Variants in LRRC8B observed in about 807,000 individuals in gnomAD.
LRRC8B encodes leucine rich repeat containing 8 VRAC subunit B.
A neutral mutation model predicts 58.8 loss-of-function variants in LRRC8B; 23 were observed. That is an observed-to-expected ratio of 0.39 (90% CI 0.28 to 0.55). The LOEUF (loss-of-function observed/expected upper bound fraction) is 0.55, where lower values mean the gene tolerates loss of function less well. Ranked by LOEUF, LRRC8B falls within the 20% of genes least tolerant of loss-of-function variation. The probability of loss-of-function intolerance (pLI) is 0.62; values close to 1 mark genes in which losing one functional copy is unlikely to be tolerated. For missense variants in LRRC8B, 694 were observed against 936.0 expected (o/e 0.74, Z 3.37); for synonymous variants, 359 against 374.1 (o/e 0.96, Z 0.47).
chr1:89,554,288 T>C (rs1652021454), intron 1 of LRRC8B, among the ~76,000 whole-genome samples: 1 of 152,188 alleles, frequency 6.6e-6, no homozygotes, highest in East Asian at 1.9e-4. Flanking sequence ...TGTGCCCTGT[T>C]ATTAACCAAC....
At position 89,594,184 on chromosome 1, in the gene LRRC8B, T is replaced by G. The variant is rs1048752989; in HGVS notation, c.*1141T>G. ...TCATTTTTGTAAGATACATAGAATT[T>G]GTGCATTTCTTTATGAACTTACTGT... On this transcript the variant is annotated 3_prime_UTR_variant, in exon 6 of 6. Coordinates refer to ENST00000330947, the MANE Select transcript of LRRC8B (RefSeq NM_001369817.2). 2.0e-5 allele frequency: 3 copies of G among 152,222 alleles called. No homozygotes were observed. Among genetic ancestry groups the G allele is most frequent in the African/African-American group, 7.2e-5 (3 of 41,466 alleles). 9.4% of individuals were successfully genotyped at this position (152,222 alleles called of 1,614,324 possible). A position where few individuals can be genotyped will look rare whatever the true frequency, so the allele number is the denominator to read the frequency against.
At chr1:89,567,346 T>C (rs937962491) in intron 1 of LRRC8B, among the ~76,000 whole-genome samples, 6 of 152,242 alleles carry the variant, frequency 3.9e-5, no homozygotes, top group Admixed American at 3.9e-4. Context: ...CTATATTTTG[T>C]TATTTACTTT....
intron 1 of LRRC8B, among the ~76,000 whole-genome samples, chr1:89,547,073 A>T (rs973059106): frequency 5.9e-5 from 9 of 152,192 alleles, no homozygotes; most frequent in African/African-American, 2.2e-4. Context: ...GTTGTTATCT[A>T]TGCTCTTAAG....
intron 1 of LRRC8B, among the ~76,000 whole-genome samples, chr1:89,553,600 A>G (rs1194829526): frequency 6.6e-6 from 1 of 152,194 alleles, no homozygotes; most frequent in Non-Finnish European, 1.5e-5. Flanking sequence ...AAAAGTACAA[A>G]TCAAATTTAT....
chr1:89,528,011 T>TG (rs1454205666), intron 1 of LRRC8B, among the ~76,000 whole-genome samples: 12 of 152,216 alleles, frequency 7.9e-5, no homozygotes, highest in African/African-American at 2.9e-4. Flanking sequence ...CTTTCCTTTT[T>TG]GCCTTTCTGA....
At chr1:89,570,071 A>G (rs1214724010) in intron 3 of LRRC8B, among the ~76,000 whole-genome samples, 19 of 152,114 alleles carry the variant, frequency 1.2e-4, no homozygotes, top group African/African-American at 2.9e-4. Flanking sequence ...TTATGGCTGC[A>G]TGGTATTCCA....
In LRRC8B at chr1:89,584,057, T is replaced by C. The variant is rs1357170355; in HGVS notation, c.1407T>C (p.Arg469=). ...AGCTGGTCAACCTCAAGGAGCTTCG[T>C]GTGTACCATTCATCTCTGGTCGTAG... ...VSQLVNLKEL[R]VYHSSLVVDH... Residue 469 remains arginine, a synonymous_variant, in exon 5 of 6, where the codon CGT becomes CGC. Transcript: ENST00000330947. 6.2e-7 allele frequency: 1 copy of C among 1,614,050 alleles called. No individual in the cohort carries two copies. Among genetic ancestry groups the C allele is most frequent in the Non-Finnish European group, 8.5e-7 (1 of 1,180,042 alleles).
rs1481636602 is a variant in LRRC8B at position 89,582,807 on chromosome 1, C to G, written c.157C>G (p.Leu53Val). The part of the protein sequence containing the change: ...GALQLTQSRV[L>V]CCLPCKVEFD... ...TCTCCAGCTGACGCAGAGCAGGGTT[C>G]TGTGCTGTCTTCCATGCAAAGTGGA... Residue 53 changes from leucine to valine, a missense_variant, in exon 5 of 6, where the codon CTG becomes GTG. By Grantham distance (32) the Leu-to-Val change is conservative. Transcript: ENST00000330947. 1 of 1,614,204 alleles carries G rather than the reference C, an allele frequency of 6.2e-7. No homozygotes were observed. Among genetic ancestry groups the G allele is most frequent in the South Asian group, 1.1e-5 (1 of 91,086 alleles).
intron 4 of LRRC8B, among the ~76,000 whole-genome samples, chr1:89,580,274 A>G (rs1169528276): frequency 6.6e-6 from 1 of 152,164 alleles, no homozygotes; most frequent in Non-Finnish European, 1.5e-5. Flanking sequence ...TGCCCATTTT[A>G]TCTTTAACCT....
intron 1 of LRRC8B, among the ~76,000 whole-genome samples, chr1:89,527,524 G>A (rs1649793091): frequency 6.6e-6 from 1 of 152,218 alleles, no homozygotes. Flanking sequence ...CATTCAAGAG[G>A]AATTTGGGAG....
chr1:89,569,851 C>T (rs754259141), intron 3 of LRRC8B, among the ~76,000 whole-genome samples: 10 of 152,198 alleles, frequency 6.6e-5, no homozygotes, highest in South Asian at 6.2e-4. Context: ...CCCTGGTCCT[C>T]TTTCTTCTCC....
rs1570658886 is a variant in LRRC8B at position 89,593,129 on chromosome 1, C to T, written c.*86C>T. The T allele has an allele frequency of 1.5e-6, 2 of 1,363,746 alleles. No individual in the cohort carries two copies. The highest frequency in any genetic ancestry group is 1.9e-5 in the Admixed American group (1 of 51,432). The allele number at this position is 1,363,746 out of a possible 1,614,324, so 84.5% of individuals were successfully genotyped here. On this transcript the variant is annotated 3_prime_UTR_variant, in exon 6 of 6. Transcript: ENST00000330947. Reference sequence around the variant, plus strand: ...GTGGCTCATGCCTATAATCCCAGCACTTTGGGAGGCCAAGATGGGCGGATT... The same window carrying T: ...GTGGCTCATGCCTATAATCCCAGCATTTTGGGAGGCCAAGATGGGCGGATT...
At position 89,592,720 on chromosome 1, in the gene LRRC8B, A is replaced by G. The variant is rs367948260; in HGVS notation, c.2140-51A>G. Reference sequence around the variant, plus strand: ...TTGGAAAAAAGGTAAATGTCTTATCATAAGCCACCAAAAACCTATTTTACC... The same window carrying G: ...TTGGAAAAAAGGTAAATGTCTTATCGTAAGCCACCAAAAACCTATTTTACC... On this transcript the variant is annotated intron_variant, in intron 5 of 5. Transcript: ENST00000330947. The G allele has an allele frequency of 3.9e-6, 6 of 1,534,062 alleles. No homozygotes were observed. The African/African-American group carries it at 8.4e-5, about 22-fold the overall frequency.
chr1:89,578,285 T>C (rs1653991524), intron 3 of LRRC8B, among the ~76,000 whole-genome samples: 1 of 152,190 alleles, frequency 6.6e-6, no homozygotes, highest in South Asian at 2.1e-4. Flanking sequence ...AATAAATTCT[T>C]TTCTGGCATG....
chr1:89,559,426 C>G (rs1431947931), intron 1 of LRRC8B, among the ~76,000 whole-genome samples: 2 of 151,894 alleles, frequency 1.3e-5, no homozygotes, highest in South Asian at 4.2e-4. Context: ...GGGACAATTG[C>G]TTGTGTCCAG....
intron 1 of LRRC8B, among the ~76,000 whole-genome samples, chr1:89,558,343 C>T (rs1652344968): frequency 6.6e-6 from 1 of 152,166 alleles, no homozygotes; most frequent in Non-Finnish European, 1.5e-5. Flanking sequence ...CACTCTTTCC[C>T]CTCACTTCCC....
At chr1:89,570,882 C>G (rs145745230) in intron 3 of LRRC8B, among the ~76,000 whole-genome samples, 35 of 152,034 alleles carry the variant, frequency 2.3e-4, no homozygotes, top group African/African-American at 8.0e-4. Context: ...ATTTTGAGTT[C>G]GTTTTTGTAT....
intron 3 of LRRC8B, among the ~76,000 whole-genome samples, chr1:89,573,981 C>T (rs1287113131): frequency 4.6e-5 from 7 of 152,246 alleles, no homozygotes; most frequent in Non-Finnish European, 8.8e-5. Flanking sequence ...GGAGTAATTT[C>T]CAAGGCTGGG....
At chr1:89,542,624 C>T (rs749380694) in intron 1 of LRRC8B, among the ~76,000 whole-genome samples, 202 of 152,064 alleles carry the variant, frequency 1.3e-3, no homozygotes, top group Middle Eastern at 3.2e-3. Context: ...TATTGATGCT[C>T]GTTTTACTAT....
Sources: gnomAD v4.1 joint callset for allele counts (sites outside exome capture counted in the v4.1 genomes callset) on GRCh38, gnomAD v4.1.1 for gene constraint, MANE v1.5 for transcripts, NCBI Gene and HGNC (gene_info 2026-07-23, HGNC 2026-07-21) for gene names.